The following TMEM132D variants were observed in gnomAD, a reference collection of about 807,000 sequenced individuals.
TMEM132D encodes mature OL transmembrane protein.
TMEM132D carries 21 observed loss-of-function variants against 62.3 expected under a neutral mutation model. That is an observed-to-expected ratio of 0.34 (90% confidence interval 0.24 to 0.49). The LOEUF (loss-of-function observed/expected upper bound fraction) is 0.49. Among genes scored for constraint, TMEM132D ranks in the 20% least tolerant of loss-of-function variants. The pLI is 0.99. For synonymous variants in TMEM132D, 621 were observed against 575.6 expected (o/e 1.08, Z -1.13); for missense variants, 1,346 against 1,402.8 (o/e 0.96, Z 0.65).
intron 3 of TMEM132D, among the ~76,000 whole-genome samples, chr12:129,474,428 G>A (rs188905883): frequency 2.0e-5 from 3 of 152,280 alleles, no homozygotes; most frequent in East Asian, 3.9e-4. Context: ...CAAACTCAGA[G>A]GTGAGCTATT....
chr12:129,197,774 A>G (rs138925766), intron 5 of TMEM132D, among the ~76,000 whole-genome samples: 1 of 152,366 alleles, frequency 6.6e-6, no homozygotes, highest in East Asian at 1.9e-4. Flanking sequence ...GCAACAAAAC[A>G]AAATAGACAA....
intron 1 of TMEM132D, among the ~76,000 whole-genome samples, chr12:129,721,168 G>A (rs1372773368): frequency 6.6e-6 from 1 of 152,190 alleles, no homozygotes; most frequent in Non-Finnish European, 1.5e-5. Context: ...GGGCCATGAG[G>A]GAAGGTGGGC....
At chr12:129,308,963 G>A (rs2135633404) in intron 4 of TMEM132D, among the ~76,000 whole-genome samples, 1 of 152,310 alleles carries the variant, frequency 6.6e-6, no homozygotes, top group Middle Eastern at 3.4e-3. Flanking sequence ...TTGCAAAGAA[G>A]GGTACCTTAG....
chr12:129,311,164 C>G (rs1311222815), intron 4 of TMEM132D, among the ~76,000 whole-genome samples: 1 of 82,288 alleles, frequency 1.2e-5, no homozygotes, highest in East Asian at 6.0e-4. Flanking sequence ...CGCCACTGCA[C>G]TCCAGCCTGG....
At chr12:129,219,303 T>C (rs1379394851) in intron 4 of TMEM132D, among the ~76,000 whole-genome samples, 2 of 152,196 alleles carry the variant, frequency 1.3e-5, no homozygotes, top group African/African-American at 2.4e-5. Context: ...ACAAGCTCTC[T>C]TGCCTGCCAC....
chr12:129,687,505 C>G (rs552716661), intron 2 of TMEM132D, among the ~76,000 whole-genome samples: 28 of 151,210 alleles, frequency 1.9e-4, no homozygotes, highest in African/African-American at 6.6e-4. Context: ...ATGCAGGAGC[C>G]ACTGCCAACT....
chr12:129,678,240 G>C (rs1401175774), intron 2 of TMEM132D, among the ~76,000 whole-genome samples: 1 of 152,088 alleles, frequency 6.6e-6, no homozygotes, highest in Non-Finnish European at 1.5e-5. Context: ...TTCTGGAAGA[G>C]TTGTACCATT....
chr12:129,387,413 T>A (rs1313010550), intron 3 of TMEM132D, among the ~76,000 whole-genome samples: 1 of 151,034 alleles, frequency 6.6e-6, no homozygotes, highest in African/African-American at 2.5e-5. Flanking sequence ...ACCATATCAC[T>A]AACACTAACG....
rs547214020 is a variant in TMEM132D at position 129,130,524 on chromosome 12, C to T, written c.1444-45822G>A. Among the ~76,000 whole-genome samples the T allele has an allele frequency of 2.5e-4, 38 of 152,286 alleles. No homozygotes were observed. In the South Asian group the frequency reaches 3.7e-3, roughly 15 times the overall value. ...GCTGCCTGAGAGGACCCACCTGCCACGTTCTAGAACGTTCTTGACACTTGA... is the reference window on the plus strand; with the variant it reads ...GCTGCCTGAGAGGACCCACCTGCCATGTTCTAGAACGTTCTTGACACTTGA... On this transcript the variant is annotated intron_variant, in intron 5 of 8. Coordinates refer to ENST00000422113, the MANE Select transcript of TMEM132D (RefSeq NM_133448.3).
Position 129,700,224 on chromosome 12 carries a change from A to C in TMEM132D, c.554T>G (p.Leu185Arg). The C allele has an allele frequency of 6.2e-7, 1 of 1,612,912 alleles. No homozygotes were observed. Among genetic ancestry groups the C allele is most frequent in the Non-Finnish European group, 8.5e-7 (1 of 1,179,926 alleles). ...ETREVRGSCRLQGDLGLCVAE... is the reference protein window; with the variant it reads ...ETREVRGSCRRQGDLGLCVAE... Reference sequence around the variant, plus strand: ...CACGCACAGCCCCAGGTCCCCCTGCAGCCGGCAGCTGCCCCGCACCTCTCG... The same window carrying C: ...CACGCACAGCCCCAGGTCCCCCTGCCGCCGGCAGCTGCCCCGCACCTCTCG... Residue 185 changes from leucine (L) to arginine (R), a missense_variant, in exon 2 of 9, where the codon CTG becomes CGG. Transcript: ENST00000422113.
chr12:129,854,082 C>A (rs1873634710), intron 1 of TMEM132D, among the ~76,000 whole-genome samples: 1 of 152,156 alleles, frequency 6.6e-6, no homozygotes, highest in African/African-American at 2.4e-5. Context: ...CCATGGCAGT[C>A]CTCGTCACTT....
chr12:129,188,773 G>T (rs1422659123), intron 5 of TMEM132D, among the ~76,000 whole-genome samples: 4 of 30,140 alleles, frequency 1.3e-4, no homozygotes, highest in African/African-American at 3.5e-4. Flanking sequence ...GAGAGAGAGA[G>T]AGAGAGAGAG....
intron 1 of TMEM132D, among the ~76,000 whole-genome samples, chr12:129,890,960 C>A (rs543299193): frequency 6.6e-6 from 1 of 152,186 alleles, no homozygotes; most frequent in African/African-American, 2.4e-5. Flanking sequence ...AGGGGCCTCC[C>A]GAATTCCATG....
chr12:129,101,090 G>C (rs968444453), intron 5 of TMEM132D, among the ~76,000 whole-genome samples: 6 of 151,874 alleles, frequency 4.0e-5, no homozygotes, highest in African/African-American at 1.4e-4. Context: ...GTCGGCGGCA[G>C]AGATTGAAGC....
intron 4 of TMEM132D, among the ~76,000 whole-genome samples, chr12:129,311,777 A>G (rs1881982829): frequency 6.6e-6 from 1 of 152,188 alleles, no homozygotes; most frequent in Admixed American, 6.5e-5. Context: ...TTCAAGGCAC[A>G]GGCCACCACT....
intron 4 of TMEM132D, among the ~76,000 whole-genome samples, chr12:129,284,847 G>A (rs12296193): frequency 0.041 from 6,228 of 152,274 alleles, 244 homozygotes; most frequent in East Asian, 0.2. Context: ...GATTCAATTT[G>A]TAGGAAATAT....
chr12:129,355,358 C>A (rs1223472363), intron 3 of TMEM132D, among the ~76,000 whole-genome samples: 2 of 152,036 alleles, frequency 1.3e-5, no homozygotes, highest in Non-Finnish European at 2.9e-5. Context: ...AACAATCAAA[C>A]CTCACTCTGC....
At chr12:129,875,527 C>T (rs1874390493) in intron 1 of TMEM132D, among the ~76,000 whole-genome samples, 1 of 152,048 alleles carries the variant, frequency 6.6e-6, no homozygotes, top group Admixed American at 6.6e-5. Context: ...ATCCTGAGTC[C>T]CATTTAGAGA....
intron 5 of TMEM132D, among the ~76,000 whole-genome samples, chr12:129,149,950 C>G (rs1877023303): frequency 6.6e-6 from 1 of 152,220 alleles, no homozygotes; most frequent in Non-Finnish European, 1.5e-5. Flanking sequence ...CTGGGAATAG[C>G]CCAGTGCTCT....
Sources: allele counts gnomAD v4.1 joint callset (sites outside exome capture counted in the v4.1 genomes callset), GRCh38; gene constraint gnomAD v4.1.1; transcripts MANE v1.5; gene names NCBI Gene and HGNC (gene_info 2026-07-23, HGNC 2026-07-21).